The following PCDH7 variants were observed in gnomAD, a reference collection of about 807,000 sequenced individuals.
The protein encoded by PCDH7 is protocadherin-7.
PCDH7 carries 17 observed loss-of-function variants against 58.9 expected under a neutral mutation model. The observed-to-expected ratio is 0.29, with a 90% CI of 0.20 to 0.43. The LOEUF (loss-of-function observed/expected upper bound fraction) is 0.43. Ranked by LOEUF, PCDH7 falls within the 20% of genes least tolerant of loss-of-function variation. The pLI is 1.00. For missense variants in PCDH7, 1,274 were observed against 1,441.0 expected (o/e 0.88, Z 1.88); for synonymous variants, 664 against 616.4 (o/e 1.08, Z -1.14).
intron 1 of PCDH7, among the ~76,000 whole-genome samples, chr4:30,887,006 G>A (rs1210376370): frequency 2.1e-5 from 3 of 145,448 alleles, no homozygotes; most frequent in East Asian, 2.1e-4. Context: ...GGGAGGGATA[G>A]CATTGGGAGA....
At chr4:31,037,667 A>G (rs897638159) in intron 3 of PCDH7, among the ~76,000 whole-genome samples, 2 of 152,192 alleles carry the variant, frequency 1.3e-5, no homozygotes, top group African/African-American at 4.8e-5. Context: ...ACCTTCTCCC[A>G]CTGAAAGCAA....
At chr4:30,869,540 T>G (rs1034229265) in intron 1 of PCDH7, among the ~76,000 whole-genome samples, 2 of 152,156 alleles carry the variant, frequency 1.3e-5, no homozygotes, top group Non-Finnish European at 2.9e-5. Context: ...GGTGTTAGGT[T>G]TTCTGTTCTT....
chr4:30,769,599 T>C (rs768632811), intron 1 of PCDH7, among the ~76,000 whole-genome samples: 2 of 152,206 alleles, frequency 1.3e-5, no homozygotes, highest in Non-Finnish European at 1.5e-5. Context: ...CTATCATGCA[T>C]GTTAGCATCC....
rs751537729 is a variant in PCDH7 at position 30,723,610 on chromosome 4, C to G, written c.2188C>G (p.Leu730Val). 4.3e-6 allele frequency: 7 copies of G among 1,614,208 alleles called. No individual in the cohort carries two copies. The South Asian group carries it at 6.6e-5, about 15-fold the overall frequency. The change falls in exon 1 of 2, where the codon CTT becomes GTT. Residue 730 changes from leucine (L) to valine (V), a missense_variant. Transcript: ENST00000361762. This position sits in a 1 kb window ranked among gnomAD's most constrained non-coding sequence, Gnocchi z 4.6. ...CAGATCTGCCACAGCTACAGTCTCG[C>G]TTTTTGTGATGGATGAAAATGACAA...
intron 1 of PCDH7, among the ~76,000 whole-genome samples, chr4:30,726,218 CAAAAAT>C (rs1560304364): frequency 6.6e-6 from 1 of 151,842 alleles, no homozygotes; most frequent in African/African-American, 2.4e-5. Flanking sequence ...ATTAAACACT[CAAAAAT>C]AAATTGAGAT....
chr4:31,060,479 C>T lies in PCDH7; in HGVS notation c.*8-81994C>T, dbSNP rs929242595. Among the ~76,000 whole-genome samples, 4 of 151,682 alleles carry T rather than the reference C, an allele frequency of 2.6e-5. No individual in the cohort carries two copies. The East Asian group carries it at 7.7e-4, about 29-fold the overall frequency. ...TGGTGGCCAAATATTTAATTAAAGT[C>T]CCTTGAGGGGACAGTTTTCATGATT... On this transcript the variant is annotated intron_variant, in intron 3 of 3. Transcript: ENST00000509759.
intron 1 of PCDH7, among the ~76,000 whole-genome samples, chr4:30,750,670 C>G (rs1238419227): frequency 6.6e-6 from 1 of 152,040 alleles, no homozygotes; most frequent in African/African-American, 2.4e-5. Flanking sequence ...ACTGTATGCC[C>G]TTATCCATTA....
At chr4:31,010,601 T>C (rs1753096647) in intron 3 of PCDH7, among the ~76,000 whole-genome samples, 2 of 151,962 alleles carry the variant, frequency 1.3e-5, no homozygotes, top group Admixed American at 1.3e-4. Flanking sequence ...CTCCTGCTTG[T>C]ATATTAAAAA....
intron 2 of PCDH7, among the ~76,000 whole-genome samples, chr4:30,925,390 T>C (rs1258249736): frequency 1.2e-4 from 19 of 152,188 alleles, no homozygotes; most frequent in Admixed American, 1.2e-3. Context: ...GTCTAGTTAT[T>C]GGTTTGTGCT....
intron 3 of PCDH7, among the ~76,000 whole-genome samples, chr4:31,075,312 A>G (rs16884329): frequency 0.12 from 18,198 of 152,140 alleles, 1,320 homozygotes; most frequent in East Asian, 0.25. Context: ...GCAATGTACC[A>G]TGGGAGAAAC....
chr4:31,131,977 A>C (rs2109337335), intron 3 of PCDH7, among the ~76,000 whole-genome samples: 1 of 152,268 alleles, frequency 6.6e-6, no homozygotes, highest in Non-Finnish European at 1.5e-5. Context: ...ATTCTACTTC[A>C]AATATGATTT....
intron 1 of PCDH7, among the ~76,000 whole-genome samples, chr4:30,814,418 A>G (rs1213836927): frequency 6.6e-6 from 1 of 152,012 alleles, no homozygotes; most frequent in African/African-American, 2.4e-5. Context: ...TTTAGTTGTG[A>G]GCTCCTTTAG....
chr4:30,806,024 T>A (rs1726148542), intron 1 of PCDH7, among the ~76,000 whole-genome samples: 3 of 152,234 alleles, frequency 2.0e-5, no homozygotes, highest in South Asian at 4.1e-4. Context: ...AAATCCAAAA[T>A]GCTCCAGCAA....
intron 1 of PCDH7, among the ~76,000 whole-genome samples, chr4:30,894,510 TATATATACACACACACACAC>T (rs1354433553): frequency 6.1e-5 from 3 of 49,466 alleles, no homozygotes; most frequent in African/African-American, 4.1e-4. Context: ...TATATATATA[TATATATACACACACACACAC>T]ACACACACAC....
intron 3 of PCDH7, among the ~76,000 whole-genome samples, chr4:31,130,159 G>C (rs1409261321): frequency 1.3e-5 from 2 of 152,188 alleles, no homozygotes; most frequent in African/African-American, 4.8e-5. Context: ...CCCAAATTTA[G>C]AATGACTTAA....
At chr4:30,989,192 G>C (rs1029266050) in intron 3 of PCDH7, among the ~76,000 whole-genome samples, 9 of 151,714 alleles carry the variant, frequency 5.9e-5, no homozygotes, top group African/African-American at 2.2e-4. Flanking sequence ...TGATTTATTT[G>C]ATAAAGTTGA....
downstream of PCDH7, among the ~76,000 whole-genome samples, chr4:30,736,938 C>A (rs543566183): frequency 3.3e-5 from 5 of 152,248 alleles, no homozygotes; most frequent in African/African-American, 1.2e-4. Context: ...TAACACTAAC[C>A]CCTATTCTCC....
At chr4:31,070,539 T>A (rs1050933248) in intron 3 of PCDH7, among the ~76,000 whole-genome samples, 1 of 152,106 alleles carries the variant, frequency 6.6e-6, no homozygotes, top group Non-Finnish European at 1.5e-5. Flanking sequence ...TGTGTCTAGA[T>A]GCTGAATGTT....
At chr4:30,893,695 G>A (rs1738908776) in intron 1 of PCDH7, among the ~76,000 whole-genome samples, 1 of 152,018 alleles carries the variant, frequency 6.6e-6, no homozygotes, top group Non-Finnish European at 1.5e-5. Context: ...TGTGTTTCTA[G>A]GTAAATCCCT....
Sources: gnomAD v4.1 joint callset for allele counts (sites outside exome capture counted in the v4.1 genomes callset) on GRCh38, gnomAD v4.1.1 for gene constraint, Gnocchi (gnomAD v3.1) non-coding constraint, MANE v1.5 for transcripts, NCBI Gene and HGNC (gene_info 2026-07-23, HGNC 2026-07-21) for gene names.